FXYD5: variants seen among roughly 807,000 people sequenced by gnomAD.
The protein encoded by FXYD5 is FXYD domain containing ion transport regulator 5, also known as FXYD domain-containing ion transport regulator 5.
Under a neutral mutation model 25.7 loss-of-function variants are expected in FXYD5, and 21 were observed. The ratio of observed to expected loss-of-function variants is 0.82; its 90% confidence interval spans 0.58 to 1.18. The LOEUF (loss-of-function observed/expected upper bound fraction) is 1.18, where lower values mean the gene tolerates loss of function less well. Ranked by LOEUF, FXYD5 falls within the 50% of genes most tolerant of loss-of-function variation. The pLI is 0.00. For synonymous variants in FXYD5, 101 were observed against 90.7 expected, an observed-to-expected ratio of 1.11 and a Z score of -0.64; for missense variants, 229 against 227.7, an observed-to-expected ratio of 1.01 and a Z score of -0.04.
At position 35,164,245 on chromosome 19, in the gene FXYD5, G is replaced by T. The variant is rs757260860; in HGVS notation, c.382G>T (p.Gly128Cys). The change falls in exon 6 of 9, where the codon GGT becomes TGT. Residue 128 changes from glycine (G) to cysteine (C), a missense_variant and splice_region_variant. Physicochemically the swap from Gly to Cys is radical, Grantham distance 159 (BLOSUM62 -3). Transcript: ENST00000392219. Reference sequence around the variant, plus strand: ...AGACCCCCAGACCCTCAAGCCATCTGGTTAGTAACTGCCTCCCCAGACTGG... The same window carrying T: ...AGACCCCCAGACCCTCAAGCCATCTTGTTAGTAACTGCCTCCCCAGACTGG... Reference protein sequence around the residue: ...QTDPQTLKPSGFHEDDPFFYD... With the variant: ...QTDPQTLKPSCFHEDDPFFYD... 2 of 1,609,122 alleles carry T rather than the reference G, an allele frequency of 1.2e-6. No homozygotes were observed. Among genetic ancestry groups the T allele is most frequent in the South Asian group, 1.1e-5 (1 of 90,334 alleles).
intron 6 of FXYD5, among the ~76,000 whole-genome samples, chr19:35,165,911 G>A (rs1412313401): frequency 2.0e-5 from 3 of 152,172 alleles, no homozygotes; most frequent in Admixed American, 2.0e-4. Flanking sequence ...GTGAGAAGGT[G>A]TCTGCATGTT....
intron 8 of FXYD5, among the ~76,000 whole-genome samples, chr19:35,168,048 AT>A (rs1568417130): frequency 2.0e-5 from 3 of 151,700 alleles, no homozygotes; most frequent in Admixed American, 6.6e-5. Context: ...GCAAGACCCT[AT>A]CTCTACACAA....
intron 4 of FXYD5, 47 bp from the exon 5 acceptor site, chr19:35,160,662 A>G: frequency 7.6e-7 from 1 of 1,311,508 alleles, no homozygotes. Context: ...CTCTTTCCCC[A>G]GTGACTCTTT....
intron 6 of FXYD5, among the ~76,000 whole-genome samples, chr19:35,165,752 T>G (rs2065444676): frequency 6.6e-6 from 1 of 152,116 alleles, no homozygotes; most frequent in Admixed American, 6.6e-5. Flanking sequence ...TTTTGGATTT[T>G]GGATTTGGGG....
intron 6 of FXYD5, among the ~76,000 whole-genome samples, chr19:35,165,733 T>A (rs1223008544): frequency 6.6e-6 from 1 of 152,130 alleles, no homozygotes; most frequent in Non-Finnish European, 1.5e-5. Flanking sequence ...AGTGTCAGAT[T>A]TGGGGACATT....
chr19:35,155,725 T>C, intron 2 of FXYD5, 114 bp downstream of exon 2: 1 of 791,690 alleles, frequency 1.3e-6, no homozygotes, highest in Non-Finnish European at 2.2e-6. Context: ...CCTGTCACCC[T>C]CCCGCTGAGC....
chr19:35,157,473 G>A lies in FXYD5; in HGVS notation c.114G>A (p.Met38Ile), dbSNP rs535252626. 5 of 1,580,260 alleles carry A rather than the reference G, an allele frequency of 3.2e-6. No individual in the cohort carries two copies. In the South Asian group the frequency reaches 4.4e-5, roughly 14 times the overall value. Residue 38 changes from methionine to isoleucine, a missense_variant, in exon 3 of 9, where the codon ATG (methionine) becomes ATA (isoleucine). Coordinates refer to ENST00000392219, the MANE Select transcript of FXYD5 (RefSeq NM_014164.6). ...GTTCTTCAGCAGACTCAACTATCAT[G>A]GACATTCAGGTCCCGACACGAGCCC... ...TSSSSADSTIMDIQVPTRAPD... is the reference protein window; with the variant it reads ...TSSSSADSTIIDIQVPTRAPD...
chr19:35,165,984 A>T (rs1272262611), intron 6 of FXYD5, among the ~76,000 whole-genome samples, 158 bp from the exon 7 acceptor site: 1 of 152,026 alleles, frequency 6.6e-6, no homozygotes, highest in Non-Finnish European at 1.5e-5. Context: ...AGGAAATGAG[A>T]TTAGAGGAAT....
intron 5 of FXYD5, among the ~76,000 whole-genome samples, chr19:35,162,430 T>A (rs2065414796): frequency 6.6e-6 from 1 of 152,218 alleles, no homozygotes; most frequent in Admixed American, 6.5e-5. Flanking sequence ...TTCTCCCGGT[T>A]CTGGAGATGG....
chr19:35,161,529 T>C (rs548650510), intron 5 of FXYD5, among the ~76,000 whole-genome samples: 27 of 152,324 alleles, frequency 1.8e-4, no homozygotes, highest in African/African-American at 6.0e-4. Flanking sequence ...CACATGCTCA[T>C]GTCTGAACCA....
intron 6 of FXYD5, among the ~76,000 whole-genome samples, 172 bp downstream of exon 6, chr19:35,164,417 G>A (rs1481349563): frequency 1.3e-5 from 2 of 152,218 alleles, no homozygotes; most frequent in East Asian, 1.9e-4. Flanking sequence ...GAATAGATAA[G>A]TGAATGCATA....
intron 6 of FXYD5, among the ~76,000 whole-genome samples, chr19:35,165,169 T>A (rs768705772): frequency 7.2e-5 from 11 of 152,158 alleles, no homozygotes; most frequent in Non-Finnish European, 1.5e-4. Context: ...AAAAAAAGAA[T>A]TCAGAGAGTC....
chr19:35,169,200 A>G (rs993534040), intron 8 of FXYD5, among the ~76,000 whole-genome samples: 20 of 151,952 alleles, frequency 1.3e-4, no homozygotes, highest in Middle Eastern at 3.2e-3. Flanking sequence ...CCCACTTAGC[A>G]CCTTCATACA....
At chr19:35,155,050 T>G (rs1187046174) in intron 1 of FXYD5, 1 of 176,512 alleles carries the variant, frequency 5.7e-6, no homozygotes, top group Admixed American at 5.8e-5. Context: ...CAGCGCGCCA[T>G]CCCTGCAAGG....
chr19:35,162,212 C>T (rs2145420567), intron 5 of FXYD5, among the ~76,000 whole-genome samples: 1 of 152,310 alleles, frequency 6.6e-6, no homozygotes, highest in East Asian at 1.9e-4. Flanking sequence ...CACTGCTGAG[C>T]CTCTGGGTTG....
At position 35,164,186 on chromosome 19, in the gene FXYD5, C is replaced by G. The variant is rs928351891; in HGVS notation, c.323C>G (p.Ser108Cys). ...CCCACTGATGACACCACGACGCTCT[C>G]TGAGAGACCATCCCCAAGCACAGAC... ...AHPTDDTTTL[S>C]ERPSPSTDVQ... is the part of the protein sequence containing the mutation. The change falls in exon 6 of 9, where the codon TCT (serine) becomes TGT (cysteine). Residue 108 changes from serine (S) to cysteine (C), a missense_variant. By Grantham distance (112) the Ser-to-Cys change is moderately radical. Coordinates refer to ENST00000392219, the MANE Select transcript of FXYD5 (RefSeq NM_014164.6). 4 of 1,614,148 alleles carry G rather than the reference C, an allele frequency of 2.5e-6. No homozygotes were observed. Among genetic ancestry groups the G allele is most frequent in the Admixed American group, 3.3e-5 (2 of 60,014 alleles).
chr19:35,159,852 C>A, intron 4 of FXYD5: 1 of 581,414 alleles, frequency 1.7e-6, no homozygotes. Context: ...GGCACCAGAG[C>A]CTGTGCTTTT....
At chr19:35,158,254 C>G (rs556909424) in intron 3 of FXYD5, 90 bp from the exon 4 acceptor site, 1 of 823,950 alleles carries the variant, frequency 1.2e-6, no homozygotes, top group East Asian at 2.4e-5. Flanking sequence ...TGAGTTGCTA[C>G]GGGAATCTCT....
chr19:35,161,249 A>ACACACACACAC (rs58296906), intron 5 of FXYD5, among the ~76,000 whole-genome samples: 2,834 of 120,180 alleles, frequency 0.024, 76 homozygotes, highest in Non-Finnish European at 0.03. Flanking sequence ...CACACACACA[A>ACACACACACAC]AAGAATGATT....
Sources: gnomAD v4.1 joint callset for allele counts (sites outside exome capture counted in the v4.1 genomes callset) on GRCh38, gnomAD v4.1.1 for gene constraint, MANE v1.5 for transcripts, NCBI Gene and HGNC (gene_info 2026-07-23, HGNC 2026-07-21) for gene names.